The following CCDC171 variants were observed in gnomAD, a reference collection of about 807,000 sequenced individuals.
CCDC171 encodes the protein coiled-coil domain containing 171, also known as coiled-coil domain-containing protein 171.
CCDC171 carries 177 observed loss-of-function variants against 168.2 expected under a neutral mutation model. That is an observed-to-expected ratio of 1.05 (90% CI 0.93 to 1.19). CCDC171 has a LOEUF of 1.19. Ranked by LOEUF, CCDC171 falls within the 50% of genes most tolerant of loss-of-function variation. The pLI, the probability that CCDC171 is intolerant of heterozygous loss-of-function variation, is 0.00. For missense variants in CCDC171, 1,991 were observed against 1,539.0 expected (o/e 1.29, Z -4.91); for synonymous variants, 687 against 540.8 (o/e 1.27, Z -3.75).
chr9:16,007,634 T>G (rs560670304), intron 3 of CCDC171, among the ~76,000 whole-genome samples: 7 of 152,212 alleles, frequency 4.6e-5, no homozygotes, highest in Admixed American at 1.3e-4. Flanking sequence ...GGGATCCAGT[T>G]TCAGCTTTCT....
intron 25 of CCDC171, among the ~76,000 whole-genome samples, chr9:15,948,867 T>C (rs1230046363): frequency 2.6e-5 from 4 of 151,848 alleles, no homozygotes; most frequent in African/African-American, 7.3e-5. Flanking sequence ...TTGCCATTGC[T>C]TTTGGTGTTT....
chr9:15,787,460 G>C (rs1385637648), intron 21 of CCDC171, among the ~76,000 whole-genome samples: 1 of 151,956 alleles, frequency 6.6e-6, no homozygotes, highest in Non-Finnish European at 1.5e-5. Context: ...ATTTATCCCA[G>C]CTTCTTCCTC....
chr9:15,971,787 C>T lies in CCDC171; in HGVS notation c.3932C>T (p.Pro1311Leu). 3 of 1,613,972 alleles carry T rather than the reference C, an allele frequency of 1.9e-6. No homozygotes were observed. Among genetic ancestry groups the T allele is most frequent in the Non-Finnish European group, 2.5e-6 (3 of 1,179,894 alleles). Residue 1311 changes from proline (P) to leucine (L), a missense_variant, in exon 26 of 26, where the codon CCA becomes CTA. Physicochemically the swap from Pro to Leu is moderately conservative, Grantham distance 98. Coordinates refer to ENST00000380701, the MANE Select transcript of CCDC171 (RefSeq NM_173550.4). ...GCTCTGACATCATCTCACTCCTCTC[C>T]AGTGACTATGTCTGCTAATGCCAAC... Reference protein sequence around the residue: ...PHALTSSHSSPVTMSANANRP... With the variant: ...PHALTSSHSSLVTMSANANRP...
intron 20 of CCDC171, among the ~76,000 whole-genome samples, chr9:15,782,699 G>A (rs1253066679): frequency 6.6e-6 from 1 of 152,186 alleles, no homozygotes; most frequent in Non-Finnish European, 1.5e-5. Context: ...ACAAGACCCA[G>A]CGCATAGAGG....
chr9:15,690,857 G>T (rs1056635924), intron 10 of CCDC171, among the ~76,000 whole-genome samples: 2 of 151,986 alleles, frequency 1.3e-5, no homozygotes, highest in Admixed American at 1.3e-4. Flanking sequence ...GCAATGCACA[G>T]AAAAAAATAC....
At chr9:15,558,426 T>A (rs200158772) in intron 1 of CCDC171, among the ~76,000 whole-genome samples, 2 of 152,094 alleles carry the variant, frequency 1.3e-5, no homozygotes, top group Non-Finnish European at 2.9e-5. Flanking sequence ...TTATTGGTCT[T>A]TTCAGGGATT....
At chr9:15,911,354 G>T (rs1823612532) in intron 24 of CCDC171, among the ~76,000 whole-genome samples, 1 of 152,146 alleles carries the variant, frequency 6.6e-6, no homozygotes. Context: ...CTTATGAAAA[G>T]TGTCTGCTCA....
chr9:15,617,693 A>G (rs2044193833), intron 6 of CCDC171, among the ~76,000 whole-genome samples: 1 of 151,714 alleles, frequency 6.6e-6, no homozygotes, highest in African/African-American at 2.4e-5. Flanking sequence ...GGGGTTCTTG[A>G]TGTTGATGTT....
At chr9:15,633,260 T>G (rs1357054736) in intron 7 of CCDC171, among the ~76,000 whole-genome samples, 1 of 152,112 alleles carries the variant, frequency 6.6e-6, no homozygotes, top group Non-Finnish European at 1.5e-5. Context: ...AGAAAAGTTT[T>G]GCAACCTACT....
intron 18 of CCDC171, among the ~76,000 whole-genome samples, chr9:15,760,700 G>A (rs7869609): frequency 0.046 from 6,932 of 152,202 alleles, 343 homozygotes; most frequent in South Asian, 0.12. Context: ...TGAAACAGGA[G>A]GTTCAATAAC....
At chr9:16,046,569 G>A (rs995006585) in intron 1 of CCDC171, among the ~76,000 whole-genome samples, 1 of 152,186 alleles carries the variant, frequency 6.6e-6, no homozygotes, top group Non-Finnish European at 1.5e-5. Context: ...ATCTTGAATT[G>A]TAGCTCCCAT....
chr9:16,084,915 G>A, the CCDC171 span, among the ~76,000 whole-genome samples: 5 of 152,190 alleles, frequency 3.3e-5, no homozygotes, highest in Non-Finnish European at 7.3e-5. Context: ...CAGTCAAGGG[G>A]CCTTGACCAA....
the CCDC171 span, among the ~76,000 whole-genome samples, chr9:16,108,434 T>C: frequency 6.6e-6 from 1 of 152,234 alleles, no homozygotes; most frequent in Admixed American, 6.5e-5. Context: ...TGACCTAACT[T>C]CTATTTCCCT....
At chr9:15,988,002 C>G (rs1357295074) in intron 3 of CCDC171, among the ~76,000 whole-genome samples, 1 of 152,196 alleles carries the variant, frequency 6.6e-6, no homozygotes, top group African/African-American at 2.4e-5. Context: ...TTGGTATAAC[C>G]TTCATTCCTG....
chr9:15,950,004 T>A (rs1273208948), intron 25 of CCDC171, among the ~76,000 whole-genome samples: 3 of 152,122 alleles, frequency 2.0e-5, no homozygotes, highest in Non-Finnish European at 2.9e-5. Context: ...TATTGAGAGT[T>A]TTTAGCATGA....
At chr9:16,003,003 G>A (rs775133922) in intron 3 of CCDC171, among the ~76,000 whole-genome samples, 3 of 152,100 alleles carry the variant, frequency 2.0e-5, no homozygotes, top group African/African-American at 4.8e-5. Context: ...TGATGACATC[G>A]CCTCACAATG....
intron 23 of CCDC171, among the ~76,000 whole-genome samples, chr9:15,849,698 AT>A (rs1246739845): frequency 6.6e-6 from 1 of 151,846 alleles, no homozygotes; most frequent in Non-Finnish European, 1.5e-5. Flanking sequence ...AAATGCAAAC[AT>A]TAAGTACTTT....
At chr9:16,085,175 T>C in the CCDC171 span, among the ~76,000 whole-genome samples, 1 of 152,216 alleles carries the variant, frequency 6.6e-6, no homozygotes, top group East Asian at 1.9e-4. Flanking sequence ...TGTCCTCTTA[T>C]CTATCGACAC....
rs770108698 is a variant in CCDC171, at chr9:15,784,627, A to G, written c.3200A>G (p.Asn1067Ser). The G allele has an allele frequency of 6.2e-7, 1 of 1,613,538 alleles. No homozygotes were observed. The highest frequency in any genetic ancestry group is 1.1e-5 in the South Asian group (1 of 91,042). Residue 1067 changes from asparagine to serine, a missense_variant, in exon 21 of 26, where the codon AAT (asparagine) becomes AGT (serine). Transcript: ENST00000380701. ...CAGGCACAACAACTACAGGAATTGAATTATAAACTTGAATTGCACTCCAGT... is the reference window on the plus strand; with the variant it reads ...CAGGCACAACAACTACAGGAATTGAGTTATAAACTTGAATTGCACTCCAGT... Reference protein sequence around the residue: ...NEQAQQLQELNYKLELHSSEE... With the variant: ...NEQAQQLQELSYKLELHSSEE...
Sources: gnomAD v4.1 joint callset for allele counts (sites outside exome capture counted in the v4.1 genomes callset) on GRCh38, gnomAD v4.1.1 for gene constraint, MANE v1.5 for transcripts, NCBI Gene and HGNC (gene_info 2026-07-23, HGNC 2026-07-21) for gene names.